Variants in RIT2 observed in about 807,000 individuals in gnomAD.
The protein encoded by RIT2 is GTP-binding protein Rit2.
In RIT2, 24 loss-of-function variants were observed where a neutral mutation model predicts 23.7. The ratio of observed to expected loss-of-function variants is 1.01; its 90% CI spans 0.73 to 1.43. The LOEUF is 1.43. RIT2 is among the 40% of genes most tolerant of loss of function. RIT2 has a pLI of 0.00. For synonymous variants in RIT2, 107 were observed against 91.1 expected (o/e 1.17, Z -0.99); for missense variants, 236 against 266.9 (o/e 0.88, Z 0.81).
chr18:42,910,667 G>A (rs1383258622), intron 4 of RIT2, among the ~76,000 whole-genome samples: 4 of 152,042 alleles, frequency 2.6e-5, no homozygotes, highest in Non-Finnish European at 5.9e-5. Flanking sequence ...AGTTCAGCTG[G>A]GGATAGTTGG....
chr18:42,911,494 A>C (rs1908768640), intron 4 of RIT2, among the ~76,000 whole-genome samples: 1 of 152,108 alleles, frequency 6.6e-6, no homozygotes, highest in Admixed American at 6.6e-5. Flanking sequence ...ACATCTCAAC[A>C]GATCCATGGG....
chr18:42,812,366 T>C (rs1196369792), intron 4 of RIT2, among the ~76,000 whole-genome samples: 2 of 152,156 alleles, frequency 1.3e-5, no homozygotes, highest in African/African-American at 4.8e-5. Context: ...CAACTTAAGA[T>C]TGACAAGAGT....
At chr18:43,013,091 A>G (rs1398520903) in intron 2 of RIT2, among the ~76,000 whole-genome samples, 2 of 151,760 alleles carry the variant, frequency 1.3e-5, no homozygotes, top group Non-Finnish European at 2.9e-5. Flanking sequence ...CTCTCCCTAA[A>G]ATTAAACATT....
chr18:43,003,420 T>C (rs1451182761), intron 2 of RIT2, among the ~76,000 whole-genome samples: 2 of 151,946 alleles, frequency 1.3e-5, no homozygotes, highest in East Asian at 3.9e-4. Context: ...ACGCTTACCT[T>C]AATTACAAAC....
At chr18:42,876,306 C>T (rs78512376) in intron 4 of RIT2, among the ~76,000 whole-genome samples, 5,362 of 151,268 alleles carry the variant, frequency 0.035, 314 homozygotes, top group East Asian at 0.24. Context: ...AAATAATAAT[C>T]GTACATTCTG....
At chr18:42,849,880 C>G (rs1055960676) in intron 4 of RIT2, among the ~76,000 whole-genome samples, 6 of 152,078 alleles carry the variant, frequency 3.9e-5, no homozygotes, top group Non-Finnish European at 7.4e-5. Context: ...AAGGGAAAAG[C>G]CATTTCACCC....
intron 4 of RIT2, among the ~76,000 whole-genome samples, chr18:42,844,794 C>T (rs1249739537): frequency 6.6e-6 from 1 of 152,154 alleles, no homozygotes; most frequent in Non-Finnish European, 1.5e-5. Flanking sequence ...CCTCAGGTTT[C>T]AGGCTACCTT....
At chr18:42,878,218 TTAAC>T (rs1313928850) in intron 4 of RIT2, among the ~76,000 whole-genome samples, 1 of 151,422 alleles carries the variant, frequency 6.6e-6, no homozygotes, top group Non-Finnish European at 1.5e-5. Flanking sequence ...CTCTAAAAAC[TTAAC>T]TAATAGCCTG....
intron 2 of RIT2, among the ~76,000 whole-genome samples, chr18:43,028,344 G>A (rs919473134): frequency 2.0e-5 from 3 of 152,036 alleles, no homozygotes; most frequent in Non-Finnish European, 2.9e-5. Flanking sequence ...TAAGGTACAG[G>A]AGAGTATCTT....
chr18:42,845,571 G>C (rs1042801338), intron 4 of RIT2, among the ~76,000 whole-genome samples: 1 of 150,022 alleles, frequency 6.7e-6, no homozygotes, highest in Non-Finnish European at 1.5e-5. Context: ...TTTCCAGTAC[G>C]TGAAACAATT....
intron 3 of RIT2, among the ~76,000 whole-genome samples, chr18:42,935,640 T>C (rs1909436120): frequency 6.6e-6 from 1 of 152,128 alleles, no homozygotes. Flanking sequence ...ATTAGACATA[T>C]TGTTACCAGA....
chr18:43,051,026 C>T (rs1912368219), intron 1 of RIT2, among the ~76,000 whole-genome samples: 1 of 152,062 alleles, frequency 6.6e-6, no homozygotes, highest in South Asian at 2.1e-4. Context: ...CAACGTGAAG[C>T]CAGTTGGTCA....
chr18:42,758,111 C>A (rs1913208335), intron 4 of RIT2, among the ~76,000 whole-genome samples: 1 of 151,358 alleles, frequency 6.6e-6, no homozygotes, highest in African/African-American at 2.4e-5. Flanking sequence ...ATATTCAAGT[C>A]TCAACTATTT....
At chr18:42,920,221 T>TA (rs1196012631) in intron 4 of RIT2, among the ~76,000 whole-genome samples, 8 of 152,064 alleles carry the variant, frequency 5.3e-5, no homozygotes, top group African/African-American at 1.4e-4. Context: ...GAAGCTGATA[T>TA]AAAAAAATAA....
At chr18:42,817,811 A>G (rs1906040389) in intron 4 of RIT2, among the ~76,000 whole-genome samples, 1 of 152,060 alleles carries the variant, frequency 6.6e-6, no homozygotes, top group African/African-American at 2.4e-5. Context: ...CTCTTTCAGA[A>G]CTGTTGTTAA....
intron 4 of RIT2, among the ~76,000 whole-genome samples, chr18:42,755,895 G>C (rs539204309): frequency 6.6e-6 from 1 of 152,084 alleles, no homozygotes; most frequent in South Asian, 2.1e-4. Flanking sequence ...CTGTCTTAGT[G>C]GTTCTCAGCT....
chr18:42,966,362 G>A (rs749361265), intron 3 of RIT2, among the ~76,000 whole-genome samples: 6 of 151,986 alleles, frequency 3.9e-5, no homozygotes, highest in African/African-American at 7.2e-5. Flanking sequence ...TCTCTTTTTC[G>A]GCTATTTCTA....
At chr18:42,876,070 A>C (rs1034267201) in intron 4 of RIT2, among the ~76,000 whole-genome samples, 5 of 152,136 alleles carry the variant, frequency 3.3e-5, no homozygotes, top group Admixed American at 6.6e-5. Flanking sequence ...CCAAAAAAAA[A>C]GTCAATTCAT....
chr18:43,104,370 A>G (rs1913759687), intron 1 of RIT2, among the ~76,000 whole-genome samples: 1 of 152,180 alleles, frequency 6.6e-6, no homozygotes, highest in Non-Finnish European at 1.5e-5. Flanking sequence ...AGCGCTATAT[A>G]ATGAATGTGG....
Sources: gnomAD v4.1 joint callset for allele counts (sites outside exome capture counted in the v4.1 genomes callset) on GRCh38, gnomAD v4.1.1 for gene constraint, MANE v1.5 for transcripts, NCBI Gene and HGNC (gene_info 2026-07-23, HGNC 2026-07-21) for gene names.